Variants in CDC73 observed in about 807,000 individuals in gnomAD.
CDC73 encodes cell division cycle 73, also known as parafibromin.
Under a neutral mutation model 83.7 loss-of-function variants are expected in CDC73, and 21 were observed. The ratio of observed to expected loss-of-function variants is 0.25; its 90% CI spans 0.18 to 0.36. CDC73 has a LOEUF of 0.36. Ranked by LOEUF, CDC73 falls within the 10% of genes least tolerant of loss-of-function variation. The pLI is 1.00. For missense variants in CDC73, 342 were observed against 653.3 expected, an observed-to-expected ratio of 0.52 and a Z score of 5.19; for synonymous variants, 224 against 212.9, an observed-to-expected ratio of 1.05 and a Z score of -0.45.
intron 5 of CDC73, chr1:193,136,430 A>G: frequency 4.2e-6 from 1 of 237,318 alleles, no homozygotes; most frequent in Non-Finnish European, 9.8e-6. Flanking sequence ...TAATGATGAT[A>G]ATTGATTCAT....
Position 193,212,472 on chromosome 1 carries a change from C to A in CDC73, c.1149C>A (p.Asp383Glu), listed in dbSNP as rs587778167. Residue 383 changes from aspartate (D) to glutamate (E), a missense_variant, in exon 13 of 17, where the codon GAC becomes GAA. Coordinates refer to ENST00000367435, the MANE Select transcript of CDC73 (RefSeq NM_024529.5). ...TTAATGCAAAAGACCTTCTACAGGA[C>A]CTGAAGTAAGTAATTTATTAAACTA... ...TMLNAKDLLQ[D>E]LKFVPSDEKK... is the part of the protein sequence containing the mutation. 5.1e-6 allele frequency: 8 copies of A among 1,561,038 alleles called. No individual in the cohort carries two copies. The Admixed American group carries it at 1.3e-4, about 26-fold the overall frequency.
intron 10 of CDC73, among the ~76,000 whole-genome samples, chr1:193,166,657 T>C (rs1676439690): frequency 1.3e-5 from 2 of 151,792 alleles, no homozygotes; most frequent in Admixed American, 6.6e-5. Context: ...TTTTCTTTTT[T>C]TTTTTTTTTG....
chr1:193,123,747 A>G (rs913768830), intron 1 of CDC73, among the ~76,000 whole-genome samples: 1 of 152,112 alleles, frequency 6.6e-6, no homozygotes, highest in African/African-American at 2.4e-5. Context: ...AAAAATTCCT[A>G]AGACTCTGGT....
chr1:193,205,163 A>G (rs1677164336), intron 11 of CDC73, among the ~76,000 whole-genome samples: 1 of 122,024 alleles, frequency 8.2e-6, no homozygotes, highest in Admixed American at 8.3e-5. Flanking sequence ...ACATTTATTT[A>G]GCATAATTTC....
chr1:193,218,001 A>G (rs1432329026), intron 13 of CDC73, among the ~76,000 whole-genome samples: 1 of 152,120 alleles, frequency 6.6e-6, no homozygotes, highest in Non-Finnish European at 1.5e-5. Context: ...TACCTAGAAA[A>G]CCCCATAGTC....
rs981547140 is a variant in CDC73 at position 193,122,193 on chromosome 1, G to C, written c.-8G>C. On this transcript the variant is annotated 5_prime_UTR_variant, in exon 1 of 17. Transcript: ENST00000367435. ...CGCCCCGAGCCGGCGGAGGCGAGGG[G>C]GGGGAAGATGGCGGACGTGCTTAGC... 12 of 1,613,254 alleles carry C rather than the reference G, an allele frequency of 7.4e-6. No homozygotes were observed. The highest frequency in any genetic ancestry group is 8.5e-6 in the Non-Finnish European group (10 of 1,179,330).
chr1:193,195,233 G>T (rs1572190526), intron 10 of CDC73, among the ~76,000 whole-genome samples: 1 of 152,000 alleles, frequency 6.6e-6, no homozygotes, highest in African/African-American at 2.4e-5. Context: ...ATCTCATCCA[G>T]AAACACCGTC....
At chr1:193,207,057 CCTGT>C (rs1677199785) in intron 11 of CDC73, among the ~76,000 whole-genome samples, 1 of 152,076 alleles carries the variant, frequency 6.6e-6, no homozygotes, top group Non-Finnish European at 1.5e-5. Flanking sequence ...TAAGTGTCAG[CCTGT>C]CTGAGAAATA....
At chr1:193,234,947 G>T (rs1405707111) in intron 14 of CDC73, among the ~76,000 whole-genome samples, 2 of 151,940 alleles carry the variant, frequency 1.3e-5, no homozygotes, top group Admixed American at 6.6e-5. Context: ...GTTTTAGGGA[G>T]ATTTTGAGCA....
chr1:193,128,735 T>A (rs1266394021), intron 2 of CDC73, among the ~76,000 whole-genome samples: 2 of 152,226 alleles, frequency 1.3e-5, no homozygotes, highest in Non-Finnish European at 2.9e-5. Flanking sequence ...AAATACAGTT[T>A]ATCTAAATCA....
chr1:193,149,404 A>G (rs1278259921), intron 8 of CDC73, among the ~76,000 whole-genome samples: 1 of 152,054 alleles, frequency 6.6e-6, no homozygotes, highest in African/African-American at 2.4e-5. Flanking sequence ...TAGTGGAGTA[A>G]GAGCTATGAT....
intron 10 of CDC73, among the ~76,000 whole-genome samples, chr1:193,192,545 A>G (rs1676936838): frequency 6.6e-6 from 1 of 152,218 alleles, no homozygotes; most frequent in South Asian, 2.1e-4. Flanking sequence ...AACATGCTTG[A>G]TTCATGTAGC....
rs563550975 is a variant in CDC73, at chr1:193,202,422, A to G, written c.973-1373A>G. ...TGACTCACTTTTTTTTTTACATTTA[A>G]AGTTTTACCTGAATGTAATATAACT... On this transcript the variant is annotated intron_variant, in intron 10 of 16. Transcript: ENST00000367435. Among the ~76,000 whole-genome samples, 3 of 152,176 alleles carry G rather than the reference A, an allele frequency of 2.0e-5. No individual in the cohort carries two copies. In the South Asian group the frequency reaches 6.2e-4, roughly 32 times the overall value.
At chr1:193,212,571 C>A (rs1677298416) in intron 13 of CDC73, 94 bp downstream of exon 13, 1 of 840,918 alleles carries the variant, frequency 1.2e-6, no homozygotes, top group South Asian at 1.8e-5. Context: ...TTGGAAAAAA[C>A]AAAATTTCGG....
intron 11 of CDC73, among the ~76,000 whole-genome samples, chr1:193,204,547 C>A (rs891444265): frequency 6.6e-6 from 1 of 152,008 alleles, no homozygotes; most frequent in Non-Finnish European, 1.5e-5. Flanking sequence ...CCTCGGCCTC[C>A]CAAAGTGCTG....
Position 193,246,318 on chromosome 1 carries a change from T to C in CDC73, c.1418-3412T>C, listed in dbSNP as rs12117100. The stretch of plus-strand genomic sequence containing the variant: ...AGAGGTAGGAATCTAGTTTCATTCT[T>C]CTGTATATAGAGATATACAGTTTTC... On this transcript the variant is annotated intron_variant, in intron 15 of 16. Transcript: ENST00000367435. 7.4e-3 allele frequency among the ~76,000 whole-genome samples: 1,123 copies of C among 152,246 alleles called. 4 individuals carry two copies. Among genetic ancestry groups the C allele is most frequent in the Non-Finnish European group, 0.011 (731 of 67,990 alleles).
At chr1:193,193,415 A>G (rs1208274880) in intron 10 of CDC73, among the ~76,000 whole-genome samples, 2 of 152,280 alleles carry the variant, frequency 1.3e-5, no homozygotes, top group Admixed American at 1.3e-4. Flanking sequence ...TGAAATTCAT[A>G]TGGTGTCACT....
chr1:193,132,940 G>A (rs1675722120), intron 3 of CDC73, among the ~76,000 whole-genome samples: 1 of 125,464 alleles, frequency 8.0e-6, no homozygotes, highest in African/African-American at 3.1e-5. Context: ...TTGCTCTGTC[G>A]CCCCAGGCTG....
In CDC73 at chr1:193,234,175, T is replaced by TCACA. The variant is rs71111461; in HGVS notation, c.1316+1064_1316+1067dup. Among the ~76,000 whole-genome samples, 739 of 101,364 alleles carry TCACA rather than the reference T, an allele frequency of 7.3e-3. 11 individuals are homozygous for TCACA. Among genetic ancestry groups the TCACA allele is most frequent in the East Asian group, 0.059 (228 of 3,880 alleles). The allele number at this position is 101,364 out of a possible 152,430, so 66.5% of individuals were successfully genotyped here. A position where few individuals can be genotyped will look rare whatever the true frequency, so the allele number is the denominator to read the frequency against. On this transcript the variant is annotated intron_variant, in intron 14 of 16. Transcript: ENST00000367435. The stretch of plus-strand genomic sequence containing the variant: ...TTCTCTCTCTCTCTCTCTCTCTCTC[T>TCACA]CACACACACACACACACACACACAC...
Sources: allele counts gnomAD v4.1 joint callset (sites outside exome capture counted in the v4.1 genomes callset), GRCh38; gene constraint gnomAD v4.1.1; transcripts MANE v1.5; gene names NCBI Gene and HGNC (gene_info 2026-07-23, HGNC 2026-07-21).